TMBIM1: variants seen among roughly 807,000 people sequenced by gnomAD.
The protein encoded by TMBIM1 is protein lifeguard 3.
TMBIM1 carries 34 observed loss-of-function variants against 45.1 expected under a neutral mutation model. The observed-to-expected ratio is 0.75, with a 90% CI of 0.57 to 1.00. TMBIM1 has a LOEUF of 1.00. TMBIM1 is among the 50% of genes least tolerant of loss of function. TMBIM1 has a pLI of 0.00. For missense variants in TMBIM1, 374 were observed against 402.4 expected (o/e 0.93, Z 0.60); for synonymous variants, 157 against 153.5 (o/e 1.02, Z -0.17).
At chr2:218,280,242 A>G in intron 2 of TMBIM1, 116 bp from the exon 3 acceptor site, 1 of 761,354 alleles carries the variant, frequency 1.3e-6, no homozygotes, top group Non-Finnish European at 2.3e-6. Flanking sequence ...CAAGTGTTAT[A>G]ACAGGAACTC....
At chr2:218,284,370 GGCCAGAGA>G (rs1559507747) in intron 1 of TMBIM1, 1 of 152,250 alleles carries the variant, frequency 6.6e-6, no homozygotes, top group East Asian at 1.9e-4. Context: ...ACCTTTGCTC[GGCCAGAGA>G]GCTGCCCCTG....
intron 10 of TMBIM1, 52 bp downstream of exon 10, chr2:218,276,952 A>T (rs987256363): frequency 6.7e-7 from 1 of 1,488,216 alleles, no homozygotes; most frequent in African/African-American, 1.4e-5. Context: ...CTATATAGGA[A>T]GTCTGCCCTG....
Position 218,282,038 on chromosome 2 carries a change from C to A in TMBIM1, c.104G>T (p.Gly35Val), listed in dbSNP as rs1022721035. The A allele has an allele frequency of 2.6e-5, 41 of 1,606,884 alleles. No individual in the cohort carries two copies. Among genetic ancestry groups the A allele is most frequent in the Non-Finnish European group, 3.0e-5 (35 of 1,177,766 alleles). ...CGGGTAGCCAGGGTAGGCAGGATAC[C>A]CTCCTGGCAGGACAGATGGCTGCCC... Reference protein sequence around the residue: ...GYGQPSVLPGGYPAYPGYPQP... With the variant: ...GYGQPSVLPGVYPAYPGYPQP... The change falls in exon 2 of 12, where the codon GGG becomes GTG. Residue 35 changes from glycine (G) to valine (V), a missense_variant. Gly to Val is a moderately radical substitution (Grantham distance 109). Coordinates refer to ENST00000258412, the MANE Select transcript of TMBIM1 (RefSeq NM_022152.6).
rs1692741524 is a variant in TMBIM1 at position 218,289,053 on chromosome 2, TG to T, written c.-41+3412del. ...CACCTGATTTAAAATTCAGCCTCTT[TG>T]CTTTTATATCAGGCAGGAGTAGAAG... On this transcript the variant is annotated intron_variant, in intron 1 of 11. Coordinates refer to ENST00000258412, the MANE Select transcript of TMBIM1 (RefSeq NM_022152.6). Among the ~76,000 whole-genome samples, 6 of 152,374 alleles carry T rather than the reference TG, an allele frequency of 3.9e-5. 1 individual carries two copies. In the South Asian group the frequency reaches 1.2e-3, roughly 32 times the overall value.
At position 218,282,158 on chromosome 2, in the gene TMBIM1, AG is replaced by A. The variant is rs1278283078; in HGVS notation, c.-18del. On this transcript the variant is annotated 5_prime_UTR_variant, in exon 2 of 12. Transcript: ENST00000258412. Reference sequence around the variant, plus strand: ...GTTGGACATGGCTGCTCACGGGCTGAGGGGGAACCCCAGCTGCTGGGACCTG... The same window carrying A: ...GTTGGACATGGCTGCTCACGGGCTGAGGGGAACCCCAGCTGCTGGGACCTG... 5 of 1,466,290 alleles carry A rather than the reference AG, an allele frequency of 3.4e-6. No individual in the cohort carries two copies. The highest frequency in any genetic ancestry group is 4.5e-6 in the Non-Finnish European group (5 of 1,109,936). 90.8% of individuals were successfully genotyped at this position (1,466,290 alleles called of 1,614,324 possible). A position where few individuals can be genotyped will look rare whatever the true frequency, so the allele number is the denominator to read the frequency against.
intron 1 of TMBIM1, among the ~76,000 whole-genome samples, 162 bp downstream of exon 1, chr2:218,292,304 G>C (rs947462897): frequency 2.0e-5 from 3 of 152,152 alleles, no homozygotes; most frequent in African/African-American, 7.2e-5. Context: ...AGGGCCAGGA[G>C]GGGAGATCCC....
Position 218,274,384 on chromosome 2 carries a change from G to A in TMBIM1, c.*1091C>T, listed in dbSNP as rs1374996540. 3 of 154,686 alleles carry A rather than the reference G, an allele frequency of 1.9e-5. No individual in the cohort carries two copies. Among genetic ancestry groups the A allele is most frequent in the African/African-American group, 7.2e-5 (3 of 41,402 alleles). The allele number at this position is 154,686 out of a possible 1,614,324, so 9.6% of individuals were successfully genotyped here. A position where few individuals can be genotyped will look rare whatever the true frequency, so the allele number is the denominator to read the frequency against. ...AGCTCAAGGCACTTAATATTACAAA[G>A]AAGGCAGTGGCTGGCTGGAGAGATG... On this transcript the variant is annotated 3_prime_UTR_variant, in exon 12 of 12. Transcript: ENST00000258412.
Position 218,278,892 on chromosome 2 carries a change from C to A in TMBIM1, c.422+146G>T, listed in dbSNP as rs1407762286. 4.4e-6 allele frequency: 4 copies of A among 913,918 alleles called. No individual in the cohort carries two copies. In the East Asian group the frequency reaches 1.0e-4, roughly 24 times the overall value. The allele number at this position is 913,918 out of a possible 1,614,324, so 56.6% of individuals were successfully genotyped here. ...CTGCTACTCATCTGGGCACGCACAC[C>A]CACACCCTCTGGCACGGGAAACTGG... is the stretch of plus-strand genomic sequence containing the variant. On this transcript the variant is annotated intron_variant, in intron 5 of 11. Coordinates refer to ENST00000258412, the MANE Select transcript of TMBIM1 (RefSeq NM_022152.6).
rs541756689 is a variant in TMBIM1, at chr2:218,278,785, G to A, written c.423-220C>T. On this transcript the variant is annotated intron_variant, in intron 5 of 11. Coordinates refer to ENST00000258412, the MANE Select transcript of TMBIM1 (RefSeq NM_022152.6). ...GAGGTCTGGGGAGGCTGCAGCTGAC[G>A]GGCTGAGAGGACATGGGGGCTGCAG... Among the ~76,000 whole-genome samples, 17 of 152,330 alleles carry A rather than the reference G, an allele frequency of 1.1e-4. 1 individual carries two copies. In the South Asian group the frequency reaches 1.9e-3, roughly 17 times the overall value.
chr2:218,282,116 G>C lies in TMBIM1; in HGVS notation c.26C>G (p.Pro9Arg). 1 of 1,530,186 alleles carries C rather than the reference G, an allele frequency of 6.5e-7. No homozygotes were observed. Among genetic ancestry groups the C allele is most frequent in the Non-Finnish European group, 8.8e-7 (1 of 1,139,654 alleles). The allele number at this position is 1,530,186 out of a possible 1,614,324, so 94.8% of individuals were successfully genotyped here. The change falls in exon 2 of 12, where the codon CCA (proline) becomes CGA (arginine). Residue 9 changes from proline to arginine, a missense_variant. By Grantham distance (103) the Pro-to-Arg change is moderately radical. Coordinates refer to ENST00000258412, the MANE Select transcript of TMBIM1 (RefSeq NM_022152.6). ...GTACAGGGGGTTGCGGTCTTCATAT[G>C]GTGGTGGGGCGCTGGGGTTGGACAT... is the stretch of plus-strand genomic sequence containing the variant. MSNPSAPP[P>R]YEDRNPLYPG...
intron 2 of TMBIM1, among the ~76,000 whole-genome samples, chr2:218,281,353 T>A (rs1691969080): frequency 6.6e-6 from 1 of 151,988 alleles, no homozygotes; most frequent in Non-Finnish European, 1.5e-5. Flanking sequence ...GCCAGGCTGG[T>A]CTCGAATTCC....
chr2:218,283,538 T>C (rs1692235528), intron 1 of TMBIM1, among the ~76,000 whole-genome samples: 1 of 152,090 alleles, frequency 6.6e-6, no homozygotes, highest in Non-Finnish European at 1.5e-5. Flanking sequence ...CCACCTCTTC[T>C]AGAGCATCTA....
chr2:218,275,885 G>A (rs1183605942), intron 11 of TMBIM1, 141 bp downstream of exon 11: 23 of 1,076,440 alleles, frequency 2.1e-5, no homozygotes, highest in Non-Finnish European at 3.1e-5. Context: ...AAAATCAATG[G>A]AATCTCTGGA....
chr2:218,276,036 C>T lies in TMBIM1; in HGVS notation c.779G>A (p.Cys260Tyr). Residue 260 changes from cysteine (C) to tyrosine (Y), a missense_variant, in exon 11 of 12, where the codon TGT becomes TAT. Physicochemically the swap from Cys to Tyr is radical, Grantham distance 194 (BLOSUM62 -2). Transcript: ENST00000258412. ...HMLYAALGAI[C>Y]FTLFLAYDTQ... ...GGGGCTGGGACTTACCAGGGTGAAA[C>T]AAATGGCCCCCAGAGCAGCATAGAG... 1 of 1,612,620 alleles carries T rather than the reference C, an allele frequency of 6.2e-7. No individual in the cohort carries two copies. Among genetic ancestry groups the T allele is most frequent in the Non-Finnish European group, 8.5e-7 (1 of 1,179,430 alleles).
intron 11 of TMBIM1, 60 bp from the exon 12 acceptor site, chr2:218,275,681 T>C (rs914659296): frequency 5.7e-6 from 9 of 1,568,928 alleles, no homozygotes; most frequent in Non-Finnish European, 7.8e-6. Flanking sequence ...AGCTCATTTT[T>C]GGTCAGCAGA....
chr2:218,279,570 C>G, intron 3 of TMBIM1: 2 of 526,856 alleles, frequency 3.8e-6, no homozygotes, highest in Non-Finnish European at 6.7e-6. Context: ...TGTCCAACAC[C>G]AGCCTCGGTG....
In TMBIM1 at chr2:218,282,068, C is replaced by A; in HGVS notation, c.74G>T (p.Gly25Val). The change falls in exon 2 of 12, where the codon GGC (glycine) becomes GTC (valine). Residue 25 changes from glycine to valine, a missense_variant. Physicochemically the swap from Gly to Val is moderately radical, Grantham distance 109. Coordinates refer to ENST00000258412, the MANE Select transcript of TMBIM1 (RefSeq NM_022152.6). ...PLYPGPPPPG[G>V]YGQPSVLPGG... ...TGGCAGGACAGATGGCTGCCCATAGCCCCCAGGGGGCGGAGGGCCTGGGTA... is the reference window on the plus strand; with the variant it reads ...TGGCAGGACAGATGGCTGCCCATAGACCCCAGGGGGCGGAGGGCCTGGGTA... 6.3e-7 allele frequency: 1 copy of A among 1,595,646 alleles called. No homozygotes were observed. Among genetic ancestry groups the A allele is most frequent in the East Asian group, 2.3e-5 (1 of 44,050 alleles).
At chr2:218,288,119 A>G (rs1351131708) in intron 1 of TMBIM1, among the ~76,000 whole-genome samples, 1 of 152,224 alleles carries the variant, frequency 6.6e-6, no homozygotes. Context: ...GAGACTGATA[A>G]CTAACCCCAA....
Position 218,277,428 on chromosome 2 carries a change from T to C in TMBIM1, c.577A>G (p.Ile193Val). 6.2e-7 allele frequency: 1 copy of C among 1,614,156 alleles called. No individual in the cohort carries two copies. The highest frequency in any genetic ancestry group is 8.5e-7 in the Non-Finnish European group (1 of 1,180,038). ...SSMYQTKAVI[I>V]AMIITAVVSI... ...ACCACCGCAGTGATGATCATTGCAATGATGACGGCTTTGGTTTGGTACATA... is the reference window on the plus strand; with the variant it reads ...ACCACCGCAGTGATGATCATTGCAACGATGACGGCTTTGGTTTGGTACATA... Residue 193 changes from isoleucine (I) to valine (V), a missense_variant, in exon 9 of 12, where the codon ATT becomes GTT. By Grantham distance (29) the Ile-to-Val change is conservative. Coordinates refer to ENST00000258412, the MANE Select transcript of TMBIM1 (RefSeq NM_022152.6).
Sources: gnomAD v4.1 joint callset for allele counts (sites outside exome capture counted in the v4.1 genomes callset) on GRCh38, gnomAD v4.1.1 for gene constraint, MANE v1.5 for transcripts, NCBI Gene and HGNC (gene_info 2026-07-23, HGNC 2026-07-21) for gene names.